SIK3: variants seen among roughly 807,000 people sequenced by gnomAD.
SIK3 encodes SIK family kinase 3, also known as serine/threonine-protein kinase SIK3.
In SIK3, 28 loss-of-function variants were observed where a neutral mutation model predicts 144.2. That is an observed-to-expected ratio of 0.19 (90% CI 0.14 to 0.27). SIK3 has a LOEUF of 0.27. Ranked by LOEUF, SIK3 falls within the 10% of genes least tolerant of loss-of-function variation. The pLI, the probability that SIK3 is intolerant of heterozygous loss-of-function variation, is 1.00. For missense variants in SIK3, 1,319 were observed against 1,776.0 expected, an observed-to-expected ratio of 0.74 and a Z score of 4.62; for synonymous variants, 686 against 676.3, an observed-to-expected ratio of 1.01 and a Z score of -0.22.
At position 116,962,923 on chromosome 11, in the gene SIK3, A is replaced by G. The variant is rs1949399450; in HGVS notation, c.274-5859T>C. 2.0e-5 allele frequency among the ~76,000 whole-genome samples: 3 copies of G among 152,172 alleles called. No individual in the cohort carries two copies. The South Asian group carries it at 6.2e-4, about 32-fold the overall frequency. On this transcript the variant is annotated intron_variant, in intron 1 of 24. Coordinates refer to ENST00000445177, the MANE Select transcript of SIK3 (RefSeq NM_001366686.3). ...TTAATATGATTATTTAAAAATTGTA[A>G]ATAATATATGTGCCCTCTTTCTCTT... is the stretch of plus-strand genomic sequence containing the variant.
chr11:116,887,640 A>G (rs538425036), intron 6 of SIK3, among the ~76,000 whole-genome samples: 1 of 151,984 alleles, frequency 6.6e-6, no homozygotes, highest in African/African-American at 2.4e-5. Context: ...AGAGTCTGAT[A>G]TAAGATTCCA....
chr11:116,875,786 TTAGGG>T, intron 9 of SIK3, 75 bp downstream of exon 9: 2 of 1,475,550 alleles, frequency 1.4e-6, no homozygotes, highest in Non-Finnish European at 1.8e-6. Context: ...AACTCTCGAC[TTAGGG>T]TTAGTGAGCA....
At chr11:117,055,388 G>A (rs1297291331) in intron 1 of SIK3, among the ~76,000 whole-genome samples, 2 of 152,162 alleles carry the variant, frequency 1.3e-5, no homozygotes, top group Non-Finnish European at 2.9e-5. Flanking sequence ...TCCTGAGATA[G>A]GTAGCTCTAG....
chr11:117,087,654 G>A (rs1457609127), intron 1 of SIK3, among the ~76,000 whole-genome samples: 1 of 152,222 alleles, frequency 6.6e-6, no homozygotes, highest in East Asian at 1.9e-4. Context: ...GAGCCAGTGT[G>A]GCTTGCAGTG....
chr11:117,048,626 AGCCTGG>A (rs1953076896), intron 1 of SIK3, among the ~76,000 whole-genome samples: 1 of 152,194 alleles, frequency 6.6e-6, no homozygotes, highest in Non-Finnish European at 1.5e-5. Flanking sequence ...ATTGCACTCC[AGCCTGG>A]GCAATAAGAG....
chr11:116,902,047 C>T (rs1040190807), intron 4 of SIK3, among the ~76,000 whole-genome samples: 1 of 152,192 alleles, frequency 6.6e-6, no homozygotes, highest in Admixed American at 6.5e-5. Flanking sequence ...AGGTCCTTTT[C>T]CATGATCAGC....
At chr11:117,022,976 T>TA (rs1951838990) in intron 1 of SIK3, among the ~76,000 whole-genome samples, 1 of 152,122 alleles carries the variant, frequency 6.6e-6, no homozygotes, top group Non-Finnish European at 1.5e-5. Flanking sequence ...GTTAATATAA[T>TA]AAAAATACCT....
At chr11:116,936,182 G>GCA (rs1947908766) in intron 3 of SIK3, among the ~76,000 whole-genome samples, 1 of 152,094 alleles carries the variant, frequency 6.6e-6, no homozygotes, top group Non-Finnish European at 1.5e-5. Flanking sequence ...CGTTCTCTTT[G>GCA]TTTGTTTGCA....
intron 1 of SIK3, among the ~76,000 whole-genome samples, chr11:117,018,716 A>T (rs200987092): frequency 8.4e-3 from 616 of 72,938 alleles, no homozygotes; most frequent in African/African-American, 0.019. Flanking sequence ...ATTTTATTTT[A>T]TTTATTTTTT....
At chr11:116,962,644 G>A (rs969330627) in intron 1 of SIK3, among the ~76,000 whole-genome samples, 2 of 151,796 alleles carry the variant, frequency 1.3e-5, no homozygotes. Context: ...GAACATTCTC[G>A]GCTCAGCTCT....
intron 1 of SIK3, among the ~76,000 whole-genome samples, chr11:116,993,141 C>T (rs975354879): frequency 2.0e-5 from 3 of 152,254 alleles, no homozygotes; most frequent in South Asian, 4.2e-4. Context: ...CCCACATCAG[C>T]CTCCCAAAGT....
intron 1 of SIK3, among the ~76,000 whole-genome samples, chr11:116,974,145 C>T (rs896484772): frequency 5.3e-5 from 8 of 152,194 alleles, no homozygotes; most frequent in Non-Finnish European, 8.8e-5. Flanking sequence ...AATTTTTCTA[C>T]ACATCTAAAG....
intron 4 of SIK3, among the ~76,000 whole-genome samples, chr11:116,910,291 T>A (rs1260073609): frequency 2.0e-5 from 3 of 151,722 alleles, no homozygotes; most frequent in Non-Finnish European, 4.4e-5. Context: ...ATGTAAACTA[T>A]CAAATGAAAA....
At chr11:116,965,757 AT>A (rs1340022018) in intron 1 of SIK3, among the ~76,000 whole-genome samples, 17 of 15,254 alleles carry the variant, frequency 1.1e-3, no homozygotes, top group Middle Eastern at 0.024. Context: ...ATATATATAT[AT>A]ATATATATAT....
At chr11:116,904,710 T>C (rs538072993) in intron 4 of SIK3, 9 of 152,364 alleles carry the variant, frequency 5.9e-5, no homozygotes, top group Admixed American at 3.3e-4. Flanking sequence ...TCTTATAAAA[T>C]GTTATTCTTT....
At chr11:116,930,271 T>C (rs1947527599) in intron 3 of SIK3, among the ~76,000 whole-genome samples, 1 of 152,196 alleles carries the variant, frequency 6.6e-6, no homozygotes, top group East Asian at 1.9e-4. Context: ...CCTACTCCCA[T>C]TGGTTTGCTT....
intron 1 of SIK3, among the ~76,000 whole-genome samples, chr11:117,041,597 T>A (rs1952744598): frequency 6.6e-6 from 1 of 152,198 alleles, no homozygotes; most frequent in Admixed American, 6.5e-5. Flanking sequence ...TGATGCCATA[T>A]GAGATGAGAT....
At chr11:117,023,617 A>ATATATATATATATATAT (rs1194910685) in intron 1 of SIK3, among the ~76,000 whole-genome samples, 1 of 109,178 alleles carries the variant, frequency 9.2e-6, no homozygotes, top group African/African-American at 4.6e-5. Context: ...AACAAAAAAA[A>ATATATATATATATATAT]AAAAATATAT....
chr11:117,084,456 G>C (rs1954921121), intron 1 of SIK3, among the ~76,000 whole-genome samples: 1 of 152,124 alleles, frequency 6.6e-6, no homozygotes, highest in Admixed American at 6.5e-5. Context: ...AGTAGAGACA[G>C]GGTTTCACCA....
Sources: allele counts gnomAD v4.1 joint callset (sites outside exome capture counted in the v4.1 genomes callset), GRCh38; gene constraint gnomAD v4.1.1; transcripts MANE v1.5; gene names NCBI Gene and HGNC (gene_info 2026-07-23, HGNC 2026-07-21).